Variants in ZFP36L2 observed in about 807,000 individuals in gnomAD.
The protein encoded by ZFP36L2 is mRNA decay activator protein ZFP36L2.
ZFP36L2 carries 16 observed loss-of-function variants against 27.9 expected under a neutral mutation model. That is an observed-to-expected ratio of 0.57 (90% confidence interval 0.39 to 0.87). The LOEUF (loss-of-function observed/expected upper bound fraction) is 0.87. Among genes scored for constraint, ZFP36L2 ranks in the 40% least tolerant of loss-of-function variants. The pLI, the probability that ZFP36L2 is intolerant of heterozygous loss-of-function variation, is 0.00. For synonymous variants in ZFP36L2, 600 were observed against 363.8 expected (o/e 1.65, Z -7.39); for missense variants, 989 against 726.9 (o/e 1.36, Z -4.15).
chr2:43,224,626 C>CGGT lies in ZFP36L2; in HGVS notation c.1175_1177dup (p.Tyr392_Arg393insHis), dbSNP rs752573647. The CGGT allele has an allele frequency of 1.4e-6, 2 of 1,473,746 alleles. No homozygotes were observed. Among genetic ancestry groups the CGGT allele is most frequent in the East Asian group, 2.9e-5 (1 of 35,002 alleles). 91.3% of individuals were successfully genotyped at this position (1,473,746 alleles called of 1,614,324 possible). A position where few individuals can be genotyped will look rare whatever the true frequency, so the allele number is the denominator to read the frequency against. On this transcript the variant is annotated inframe_insertion, in exon 2 of 2. Transcript: ENST00000282388. ...CTGCTGCTGCTGCTGCTGCTGACTG[C>CGGT]GGTAGTAGGCGGCGGCGGCCACGGC...
chr2:43,225,484 C>G lies in ZFP36L2; in HGVS notation c.320G>C (p.Gly107Ala). The G allele has an allele frequency of 1.2e-6, 2 of 1,610,402 alleles. No individual in the cohort carries two copies. Among genetic ancestry groups the G allele is most frequent in the Non-Finnish European group, 1.7e-6 (2 of 1,179,206 alleles). ...CTTGTTGAGCAGGGCTGTGCCGCCGCCCCCCGACGGCTCCTTAAGGGTGCC... is the reference window on the plus strand; with the variant it reads ...CTTGTTGAGCAGGGCTGTGCCGCCGGCCCCCGACGGCTCCTTAAGGGTGCC... ...SYGTLKEPSG[G>A]GGTALLNKEN... The change falls in exon 2 of 2, where the codon GGC (glycine) becomes GCC (alanine). Residue 107 changes from glycine to alanine, a missense_variant. Physicochemically the swap from Gly to Ala is moderately conservative, Grantham distance 60 (BLOSUM62 0). Transcript: ENST00000282388.
rs749594299 is a variant in ZFP36L2, at chr2:43,224,414, G to T, written c.1390C>A (p.Leu464Met). Residue 464 changes from leucine to methionine, a missense_variant, in exon 2 of 2, where the codon CTG becomes ATG. Leu to Met is a conservative substitution (Grantham distance 15). Coordinates refer to ENST00000282388, the MANE Select transcript of ZFP36L2 (RefSeq NM_006887.5). ...GAGCCGCTGAGGCTGCCGGAGCTCA[G>T]GGAGCCGCTTAGGTAGCTGTCGCGG... Reference protein sequence around the residue: ...SDRDSYLSGSLSSGSLSGSES... With the variant: ...SDRDSYLSGSMSSGSLSGSES... The T allele has an allele frequency of 1.3e-6, 2 of 1,557,036 alleles. No individual in the cohort carries two copies. Among genetic ancestry groups the T allele is most frequent in the Non-Finnish European group, 8.6e-7 (1 of 1,157,694 alleles).
Position 43,224,077 on chromosome 2 carries a change from C to CA in ZFP36L2, c.*241dup, listed in dbSNP as rs1281022495. The CA allele has an allele frequency of 1.9e-5, 7 of 370,678 alleles. 1 individual carries two copies. The South Asian group carries it at 7.4e-4, about 39-fold the overall frequency. The allele number at this position is 370,678 out of a possible 1,614,324, so 23.0% of individuals were successfully genotyped here. A position where few individuals can be genotyped will look rare whatever the true frequency, so the allele number is the denominator to read the frequency against. On this transcript the variant is annotated 3_prime_UTR_variant, in exon 2 of 2. Transcript: ENST00000282388. ...ACAGAAAAAGTTCGACTTTTTTGCT[C>CA]AAAAAGAATGAAACTTCGTAATAAA...
chr2:43,225,359 T>C lies in ZFP36L2; in HGVS notation c.445A>G (p.Ile149Val). 6.2e-7 allele frequency: 1 copy of C among 1,613,444 alleles called. No homozygotes were observed. The highest frequency in any genetic ancestry group is 8.5e-7 in the Non-Finnish European group (1 of 1,179,980). The part of the protein sequence containing the change: ...QQQKGGGGSQ[I>V]NSTRYKTELC... ...TCGGTCTTGTAGCGCGTGGAGTTGA[T>C]CTGGGAGCCGCCGCCCCCCTTCTGC... The change falls in exon 2 of 2, where the codon ATC becomes GTC. Residue 149 changes from isoleucine to valine, a missense_variant. By Grantham distance (29) the Ile-to-Val change is conservative. Transcript: ENST00000282388.
rs1667024022 is a variant in ZFP36L2, at chr2:43,223,991, G to GGT, written c.*327_*328insAC. The GGT allele has an allele frequency of 6.2e-6, 1 of 161,250 alleles. No homozygotes were observed. Among genetic ancestry groups the GGT allele is most frequent in the African/African-American group, 2.8e-5 (1 of 35,956 alleles). 10.0% of individuals were successfully genotyped at this position (161,250 alleles called of 1,614,324 possible). Reference sequence around the variant, plus strand: ...ATCGGAGTCCTAACAAAGTTTAAGTGTTTTTTTTTTTTTTTTGTTCTATTC... The same window carrying GGT: ...ATCGGAGTCCTAACAAAGTTTAAGTGGTTTTTTTTTTTTTTTTTGTTCTATTC... On this transcript the variant is annotated 3_prime_UTR_variant, in exon 2 of 2. Coordinates refer to ENST00000282388, the MANE Select transcript of ZFP36L2 (RefSeq NM_006887.5).
intron 1 of ZFP36L2, 50 bp from the exon 2 acceptor site, chr2:43,225,802 C>CA: frequency 6.5e-7 from 1 of 1,534,678 alleles, no homozygotes; most frequent in Middle Eastern, 1.7e-4. Context: ...AAGGGGAAGA[C>CA]AGACTCGGGG....
chr2:43,222,768 T>A lies in ZFP36L2; in HGVS notation c.*1551A>T, dbSNP rs1236107165. 2 of 152,126 alleles carry A rather than the reference T, an allele frequency of 1.3e-5. No homozygotes were observed. Among genetic ancestry groups the A allele is most frequent in the African/African-American group, 4.8e-5 (2 of 41,302 alleles). The allele number at this position is 152,126 out of a possible 1,614,324, so 9.4% of individuals were successfully genotyped here. ...ACTAAGGCGGTTGCTTCACTTTATA[T>A]CTATATAAAAAAAGTGGTAAAAATC... On this transcript the variant is annotated 3_prime_UTR_variant, in exon 2 of 2. Coordinates refer to ENST00000282388, the MANE Select transcript of ZFP36L2 (RefSeq NM_006887.5).
chr2:43,224,644 G>A lies in ZFP36L2; in HGVS notation c.1160C>T (p.Ala387Val), dbSNP rs866804302. 7.3e-6 allele frequency: 11 copies of A among 1,502,990 alleles called. No homozygotes were observed. The highest frequency in any genetic ancestry group is 4.2e-5 in the Admixed American group (2 of 47,862). 93.1% of individuals were successfully genotyped at this position (1,502,990 alleles called of 1,614,324 possible). A position where few individuals can be genotyped will look rare whatever the true frequency, so the allele number is the denominator to read the frequency against. ...CTGACTGCGGTAGTAGGCGGCGGCG[G>A]CCACGGCGGCAAAGTTGTGGGTCTG... is the stretch of plus-strand genomic sequence containing the variant. The part of the protein sequence containing the change: ...AIQTHNFAAV[A>V]AAAYYRSQQQ... The change falls in exon 2 of 2, where the codon GCC (alanine) becomes GTC (valine). Residue 387 changes from alanine (A) to valine (V), a missense_variant. By Grantham distance (64) the Ala-to-Val change is moderately conservative (BLOSUM62 0). Coordinates refer to ENST00000282388, the MANE Select transcript of ZFP36L2 (RefSeq NM_006887.5).
chr2:43,225,162 G>T lies in ZFP36L2; in HGVS notation c.642C>A (p.Phe214Leu). 1.3e-6 allele frequency: 2 copies of T among 1,598,610 alleles called. No individual in the cohort carries two copies. Among genetic ancestry groups the T allele is most frequent in the Non-Finnish European group, 1.7e-6 (2 of 1,179,576 alleles). ...GCCGCCGCTCGTCCGCGTTGTGGAT[G>T]AAGTGGCAGCGCGGCCCATAGGGGC... ...GFCPYGPRCH[F>L]IHNADERRPA... The change falls in exon 2 of 2, where the codon TTC becomes TTA. Residue 214 changes from phenylalanine (F) to leucine (L), a missense_variant. By Grantham distance (22) the Phe-to-Leu change is conservative. Coordinates refer to ENST00000282388, the MANE Select transcript of ZFP36L2 (RefSeq NM_006887.5).
chr2:43,225,470 G>A lies in ZFP36L2; in HGVS notation c.334C>T (p.Leu112=), dbSNP rs891991735. 5.0e-6 allele frequency: 8 copies of A among 1,611,612 alleles called. No individual in the cohort carries two copies. The highest frequency in any genetic ancestry group is 3.3e-5 in the South Asian group (3 of 90,974). The part of the protein sequence containing the change: ...KEPSGGGGTA[L]LNKENKFRDR... ...CGGAATTTGTTCTCCTTGTTGAGCA[G>A]GGCTGTGCCGCCGCCCCCCGACGGC... is the stretch of plus-strand genomic sequence containing the variant. Residue 112 remains leucine, a synonymous_variant, in exon 2 of 2, where the codon CTG becomes TTG. Transcript: ENST00000282388.
chr2:43,225,524 C>T lies in ZFP36L2; in HGVS notation c.280G>A (p.Gly94Ser), dbSNP rs774025164. Residue 94 changes from glycine (G) to serine (S), a missense_variant, in exon 2 of 2, where the codon GGT becomes AGT. By Grantham distance (56) the Gly-to-Ser change is moderately conservative (BLOSUM62 0). Coordinates refer to ENST00000282388, the MANE Select transcript of ZFP36L2 (RefSeq NM_006887.5). Reference protein sequence around the residue: ...GSSCGSAAAGGPTSYGTLKEP... With the variant: ...GSSCGSAAAGSPTSYGTLKEP... ...TTAAGGGTGCCGTAGGAGGTCGGAC[C>T]GCCGGCCGCCGCGCTGCCGCAGCTG... The T allele has an allele frequency of 6.3e-7, 1 of 1,585,934 alleles. No homozygotes were observed. Among genetic ancestry groups the T allele is most frequent in the East Asian group, 2.3e-5 (1 of 43,566 alleles).
rs764485226 is a variant in ZFP36L2 at position 43,224,691 on chromosome 2, G to A, written c.1113C>T (p.Ser371=). 3.2e-6 allele frequency: 5 copies of A among 1,540,682 alleles called. No individual in the cohort carries two copies. Among genetic ancestry groups the A allele is most frequent in the African/African-American group, 2.9e-5 (2 of 70,004 alleles). Residue 371 remains serine (S), a synonymous_variant, in exon 2 of 2, where the codon AGC becomes AGT. Transcript: ENST00000282388. The part of the protein sequence containing the change: ...NAFAFGPELS[S]LITPLAIQTH... ...TCTGGATGGCGAGCGGCGTGATGAG[G>A]CTGCTGAGCTCCGGACCGAAGGCGA...
chr2:43,224,141 G>A lies in ZFP36L2; in HGVS notation c.*178C>T, dbSNP rs573040441. On this transcript the variant is annotated 3_prime_UTR_variant, in exon 2 of 2. Coordinates refer to ENST00000282388, the MANE Select transcript of ZFP36L2 (RefSeq NM_006887.5). ...AGACAAGAGGAAACCGAAAAAGGAGGGGTGGGGGCCCCTCCCGGCACAGAG... is the reference window on the plus strand; with the variant it reads ...AGACAAGAGGAAACCGAAAAAGGAGAGGTGGGGGCCCCTCCCGGCACAGAG... 135 of 473,558 alleles carry A rather than the reference G, an allele frequency of 2.9e-4. No homozygotes were observed. The highest frequency in any genetic ancestry group is 2.5e-3 in the African/African-American group (123 of 49,962). 29.3% of individuals were successfully genotyped at this position (473,558 alleles called of 1,614,324 possible). A position where few individuals can be genotyped will look rare whatever the true frequency, so the allele number is the denominator to read the frequency against.
At position 43,224,253 on chromosome 2, in the gene ZFP36L2, T is replaced by C; in HGVS notation, c.*66A>G. The C allele has an allele frequency of 6.3e-6, 9 of 1,433,158 alleles. No individual in the cohort carries two copies. Among genetic ancestry groups the C allele is most frequent in the Non-Finnish European group, 8.3e-6 (9 of 1,090,092 alleles). 88.8% of individuals were successfully genotyped at this position (1,433,158 alleles called of 1,614,324 possible). On this transcript the variant is annotated 3_prime_UTR_variant, in exon 2 of 2. Coordinates refer to ENST00000282388, the MANE Select transcript of ZFP36L2 (RefSeq NM_006887.5). ...TCCCGTGCCCCCAGCAAGGGCGAGA[T>C]GGCGAGGGGTGTCCTCCAACATCTC...
Position 43,224,313 on chromosome 2 carries a change from C to G in ZFP36L2, c.*6G>C. 1 of 1,567,132 alleles carries G rather than the reference C, an allele frequency of 6.4e-7. No homozygotes were observed. The highest frequency in any genetic ancestry group is 8.6e-7 in the Non-Finnish European group (1 of 1,162,144). On this transcript the variant is annotated 3_prime_UTR_variant, in exon 2 of 2. Transcript: ENST00000282388. Reference sequence around the variant, plus strand: ...TTCCCTTCCTCCTCACTGGCGCCCTCTTGCCTCAGTCGTCGGAGATGGAGA... The same window carrying G: ...TTCCCTTCCTCCTCACTGGCGCCCTGTTGCCTCAGTCGTCGGAGATGGAGA...
intron 1 of ZFP36L2, 37 bp from the exon 2 acceptor site, chr2:43,225,789 C>A: frequency 6.4e-7 from 1 of 1,559,942 alleles, no homozygotes; most frequent in Non-Finnish European, 8.6e-7. Context: ...GGATGAAAAA[C>A]GGAAGGGGAA....
Position 43,225,325 on chromosome 2 carries a change from C to A in ZFP36L2, c.479G>T (p.Arg160Leu), listed in dbSNP as rs1437668911. 6.2e-7 allele frequency: 1 copy of A among 1,613,242 alleles called. No homozygotes were observed. The highest frequency in any genetic ancestry group is 1.3e-5 in the African/African-American group (1 of 75,050). ...GCACGTGCCGCTCTCCTCGAAGGGC[C>A]GGCACAGCTCGGTCTTGTAGCGCGT... ...NSTRYKTELC[R>L]PFEESGTCKY... is the part of the protein sequence containing the mutation. The change falls in exon 2 of 2, where the codon CGG (arginine) becomes CTG (leucine). Residue 160 changes from arginine (R) to leucine (L), a missense_variant. Coordinates refer to ENST00000282388, the MANE Select transcript of ZFP36L2 (RefSeq NM_006887.5).
chr2:43,225,438 G>A lies in ZFP36L2; in HGVS notation c.366C>T (p.Arg122=), dbSNP rs370028799. The change falls in exon 2 of 2, where the codon CGC becomes CGT. Residue 122 remains arginine, a synonymous_variant. Coordinates refer to ENST00000282388, the MANE Select transcript of ZFP36L2 (RefSeq NM_006887.5). ...LLNKENKFRD[R]SFSENGDRSQ... ...TGCGATCGCCGTTCTCGCTAAACGAGCGGTCCCGGAATTTGTTCTCCTTGT... is the reference window on the plus strand; with the variant it reads ...TGCGATCGCCGTTCTCGCTAAACGAACGGTCCCGGAATTTGTTCTCCTTGT... 17 of 1,613,094 alleles carry A rather than the reference G, an allele frequency of 1.1e-5. No homozygotes were observed. Among genetic ancestry groups the A allele is most frequent in the Non-Finnish European group, 1.7e-6 (2 of 1,179,782 alleles).
chr2:43,222,708 TAAAC>T lies in ZFP36L2; in HGVS notation c.*1607_*1610del, dbSNP rs1666995055. ...TACAAGTTTTGGAATTTTCTGTAAT[TAAAC>T]AAGGCATATTCATGTACTACATATT... is the stretch of plus-strand genomic sequence containing the variant. On this transcript the variant is annotated 3_prime_UTR_variant, in exon 2 of 2. Coordinates refer to ENST00000282388, the MANE Select transcript of ZFP36L2 (RefSeq NM_006887.5). 1 of 152,344 alleles carries T rather than the reference TAAAC, an allele frequency of 6.6e-6. No homozygotes were observed. The highest frequency in any genetic ancestry group is 2.4e-5 in the African/African-American group (1 of 41,444). 9.4% of individuals were successfully genotyped at this position (152,344 alleles called of 1,614,324 possible). A position where few individuals can be genotyped will look rare whatever the true frequency, so the allele number is the denominator to read the frequency against.
Sources: allele counts gnomAD v4.1 joint callset, GRCh38; gene constraint gnomAD v4.1.1; transcripts MANE v1.5; gene names NCBI Gene and HGNC (gene_info 2026-07-23, HGNC 2026-07-21).